SLC4A10: variants seen among roughly 807,000 people sequenced by gnomAD.
The protein encoded by SLC4A10 is solute carrier family 4 member 10.
In SLC4A10, 42 loss-of-function variants were observed where a neutral mutation model predicts 137.7. The ratio of observed to expected loss-of-function variants is 0.30; its 90% CI spans 0.24 to 0.39. The LOEUF (loss-of-function observed/expected upper bound fraction) is 0.39, where lower values mean the gene tolerates loss of function less well. Ranked by LOEUF, SLC4A10 falls within the 10% of genes least tolerant of loss-of-function variation. The pLI, the probability that SLC4A10 is intolerant of heterozygous loss-of-function variation, is 1.00. For missense variants in SLC4A10, 925 were observed against 1,355.0 expected (o/e 0.68, Z 4.98); for synonymous variants, 474 against 464.1 (o/e 1.02, Z -0.27).
chr2:161,753,002 T>A (rs1269075749), intron 1 of SLC4A10, among the ~76,000 whole-genome samples: 3 of 152,166 alleles, frequency 2.0e-5, no homozygotes, highest in South Asian at 4.1e-4. Flanking sequence ...AGATATGTTT[T>A]ACGCTATAAA....
At chr2:161,945,377 T>C (rs1417206475) in intron 16 of SLC4A10, among the ~76,000 whole-genome samples, 1 of 151,384 alleles carries the variant, frequency 6.6e-6, no homozygotes, top group South Asian at 2.1e-4. Context: ...AGGACACTAA[T>C]GCCAACTTTA....
chr2:161,839,972 A>C, intron 4 of SLC4A10, 45 bp downstream of exon 4: 1 of 1,603,560 alleles, frequency 6.2e-7, no homozygotes, highest in Non-Finnish European at 8.5e-7. Context: ...AAGAATTTTC[A>C]TGTTACTAGA....
In SLC4A10 at chr2:161,660,659, TCC is replaced by T. The variant is rs1429543439; in HGVS notation, c.48+36094_48+36095del. ...TTCTTTCCTTCTTTCTTTCTTTCTT[TCC>T]TTTTTTTTTTGAGACAGCGTCTTGC... On this transcript the variant is annotated intron_variant, in intron 1 of 26. Transcript: ENST00000446997. Among the ~76,000 whole-genome samples, 388 of 123,966 alleles carry T rather than the reference TCC, an allele frequency of 3.1e-3. 4 individuals carry two copies. Among genetic ancestry groups the T allele is most frequent in the Middle Eastern group, 7.5e-3 (2 of 266 alleles). The allele number at this position is 123,966 out of a possible 152,430, so 81.3% of individuals were successfully genotyped here.
intron 1 of SLC4A10, among the ~76,000 whole-genome samples, chr2:161,691,086 G>A (rs1293894129): frequency 1.3e-5 from 2 of 151,890 alleles, no homozygotes; most frequent in Non-Finnish European, 2.9e-5. Flanking sequence ...CTTTTGAATT[G>A]TGCTTTAATT....
At chr2:161,963,183 G>A (rs933918143) in intron 21 of SLC4A10, among the ~76,000 whole-genome samples, 1 of 151,942 alleles carries the variant, frequency 6.6e-6, no homozygotes, top group African/African-American at 2.4e-5. Context: ...AAAGATTTAA[G>A]CTTCCTGTGT....
At chr2:161,803,149 C>T (rs1392244692) in intron 2 of SLC4A10, among the ~76,000 whole-genome samples, 1 of 152,042 alleles carries the variant, frequency 6.6e-6, no homozygotes, top group African/African-American at 2.4e-5. Context: ...TTTGCTTGTA[C>T]TTTTGCTTCC....
intron 15 of SLC4A10, among the ~76,000 whole-genome samples, chr2:161,926,018 TGTA>T (rs1689005387): frequency 6.6e-6 from 1 of 151,952 alleles, no homozygotes; most frequent in Admixed American, 6.6e-5. Flanking sequence ...CTGAAAAAAA[TGTA>T]TATTCTGTTG....
At chr2:161,747,123 A>C (rs2048469009) in intron 1 of SLC4A10, among the ~76,000 whole-genome samples, 1 of 152,116 alleles carries the variant, frequency 6.6e-6, no homozygotes, top group African/African-American at 2.4e-5. Context: ...GCACAGCACC[A>C]GGACTTGCTT....
intron 3 of SLC4A10, among the ~76,000 whole-genome samples, chr2:161,828,563 A>G (rs1025050309): frequency 1.7e-4 from 25 of 147,460 alleles, no homozygotes; most frequent in African/African-American, 6.1e-4. Flanking sequence ...ATATATACAT[A>G]TTATTTACCA....
intron 19 of SLC4A10, 35 bp from the exon 20 acceptor site, chr2:161,956,954 C>T (rs1559623825): frequency 3.3e-6 from 5 of 1,533,342 alleles, no homozygotes; most frequent in Non-Finnish European, 4.4e-6. Context: ...GTTATTGACA[C>T]AGTTTCTTTC....
intron 1 of SLC4A10, among the ~76,000 whole-genome samples, chr2:161,740,625 A>G (rs1363947349): frequency 1.3e-5 from 2 of 152,184 alleles, no homozygotes; most frequent in East Asian, 3.9e-4. Flanking sequence ...CTATAAGCTT[A>G]GGCCTAGGCT....
At chr2:161,764,921 A>T (rs1464083503) in intron 1 of SLC4A10, among the ~76,000 whole-genome samples, 1 of 152,178 alleles carries the variant, frequency 6.6e-6, no homozygotes, top group Non-Finnish European at 1.5e-5. Flanking sequence ...TAACTTGAAA[A>T]GTAATGAATT....
At chr2:161,739,728 G>T (rs2047691919) in intron 1 of SLC4A10, among the ~76,000 whole-genome samples, 1 of 152,188 alleles carries the variant, frequency 6.6e-6, no homozygotes, top group African/African-American at 2.4e-5. Flanking sequence ...TTTGCTGGCA[G>T]ACAGAACAGT....
rs543970509 is a variant in SLC4A10 at position 161,911,201 on chromosome 2, C to T, written c.1997+5314C>T. ...TGTTCGCTAAGTAAAGAAAATAGTG[C>T]TTGTTTACATTATCTTTAACAGCAC... On this transcript the variant is annotated intron_variant, in intron 15 of 26. Transcript: ENST00000446997. Among the ~76,000 whole-genome samples the T allele has an allele frequency of 4.6e-5, 7 of 151,894 alleles. No homozygotes were observed. The East Asian group carries it at 1.4e-3, about 29-fold the overall frequency.
chr2:161,780,210 A>G (rs2052847839), intron 2 of SLC4A10, among the ~76,000 whole-genome samples: 1 of 152,078 alleles, frequency 6.6e-6, no homozygotes, highest in Non-Finnish European at 1.5e-5. Context: ...TGTATTTATT[A>G]TGTAAAGACT....
intron 3 of SLC4A10, among the ~76,000 whole-genome samples, chr2:161,830,948 A>T (rs1213295655): frequency 1.3e-5 from 2 of 152,166 alleles, no homozygotes; most frequent in Non-Finnish European, 1.5e-5. Context: ...GTGGATATGT[A>T]TGTGTTCATA....
intron 1 of SLC4A10, among the ~76,000 whole-genome samples, chr2:161,643,550 C>T (rs1290985224): frequency 6.6e-6 from 1 of 152,024 alleles, no homozygotes; most frequent in African/African-American, 2.4e-5. Flanking sequence ...AAATGCTTTA[C>T]ATAGAAATGG....
At chr2:161,895,598 C>T (rs986804054) in intron 11 of SLC4A10, among the ~76,000 whole-genome samples, 2 of 152,046 alleles carry the variant, frequency 1.3e-5, no homozygotes, top group African/African-American at 4.8e-5. Flanking sequence ...TTTTAATGAT[C>T]ACCATTCTAA....
chr2:161,898,930 A>T (rs1413405318), intron 11 of SLC4A10, among the ~76,000 whole-genome samples: 2 of 152,120 alleles, frequency 1.3e-5, no homozygotes, highest in Non-Finnish European at 2.9e-5. Context: ...TCACTTGATG[A>T]CTATTTCACA....
Sources: gnomAD v4.1 joint callset for allele counts (sites outside exome capture counted in the v4.1 genomes callset) on GRCh38, gnomAD v4.1.1 for gene constraint, MANE v1.5 for transcripts, NCBI Gene and HGNC (gene_info 2026-07-23, HGNC 2026-07-21) for gene names.